The following QTRT1 variants were observed in gnomAD, a reference collection of about 807,000 sequenced individuals.
QTRT1 encodes TGT, 43-KD subunit.
A neutral mutation model predicts 44.0 loss-of-function variants in QTRT1; 41 were observed. That is an observed-to-expected ratio of 0.93 (90% confidence interval 0.73 to 1.21). QTRT1 has a LOEUF of 1.21. QTRT1 is among the 50% of genes most tolerant of loss of function. The pLI is 0.00. For missense variants in QTRT1, 542 were observed against 575.8 expected (o/e 0.94, Z 0.60); for synonymous variants, 226 against 237.1 (o/e 0.95, Z 0.43).
intron 3 of QTRT1, among the ~76,000 whole-genome samples, chr19:10,704,670 C>G (rs1300491970): frequency 6.6e-6 from 1 of 152,002 alleles, no homozygotes; most frequent in Non-Finnish European, 1.5e-5. Context: ...TCACAGCAAC[C>G]TCTGCCTCCT....
Position 10,713,314 on chromosome 19 carries a change from C to A in QTRT1, c.*44C>A. On this transcript the variant is annotated 3_prime_UTR_variant, in exon 10 of 10. Coordinates refer to ENST00000250237, the MANE Select transcript of QTRT1 (RefSeq NM_031209.3). The surrounding 1 kb of genome is among the most constrained non-coding windows in gnomAD (Gnocchi z 4.3). ...AGGGAGGAAGGAAGGGAGGGAGGGG[C>A]TGGAAGATACTGAAGGATTCCTTTT... 1 of 1,565,966 alleles carries A rather than the reference C, an allele frequency of 6.4e-7. No homozygotes were observed. The highest frequency in any genetic ancestry group is 8.7e-7 in the Non-Finnish European group (1 of 1,154,680).
At position 10,712,657 on chromosome 19, in the gene QTRT1, C is replaced by T. The variant is rs761237640; in HGVS notation, c.861+29C>T. The T allele has an allele frequency of 1.6e-5, 25 of 1,531,148 alleles. No homozygotes were observed. The highest frequency in any genetic ancestry group is 1.7e-4 in the Middle Eastern group (1 of 5,794). 94.8% of individuals were successfully genotyped at this position (1,531,148 alleles called of 1,614,324 possible). On this transcript the variant is annotated intron_variant, in intron 7 of 9. Coordinates refer to ENST00000250237, the MANE Select transcript of QTRT1 (RefSeq NM_031209.3). This position sits in a 1 kb window ranked among gnomAD's most constrained non-coding sequence, Gnocchi z 5.6. The stretch of plus-strand genomic sequence containing the variant: ...AGGCTCTGGCAGAAGGAGGTCAGGG[C>T]GGGAGACGGGTGGGGGACTAGGGAG...
rs1450282696 is a variant in QTRT1, at chr19:10,713,321, A to T, written c.*51A>T. The T allele has an allele frequency of 6.4e-7, 1 of 1,570,848 alleles. No individual in the cohort carries two copies. Among genetic ancestry groups the T allele is most frequent in the Non-Finnish European group, 8.6e-7 (1 of 1,158,046 alleles). Reference sequence around the variant, plus strand: ...AAGGAAGGGAGGGAGGGGCTGGAAGATACTGAAGGATTCCTTTTTGAAAGG... The same window carrying T: ...AAGGAAGGGAGGGAGGGGCTGGAAGTTACTGAAGGATTCCTTTTTGAAAGG... On this transcript the variant is annotated 3_prime_UTR_variant, in exon 10 of 10. Transcript: ENST00000250237. This position sits in a 1 kb window ranked among gnomAD's most constrained non-coding sequence, Gnocchi z 4.3.
At chr19:10,711,958 TAGAC>T (rs1599396692) in intron 5 of QTRT1, 199 bp from the exon 6 acceptor site, 2 of 648,706 alleles carry the variant, frequency 3.1e-6, no homozygotes, top group Non-Finnish European at 2.7e-6. Context: ...TCCCAGCCCC[TAGAC>T]AGACAGACAA....
intron 3 of QTRT1, 89 bp downstream of exon 3, chr19:10,702,343 T>C: frequency 1.4e-6 from 2 of 1,457,518 alleles, no homozygotes; most frequent in Non-Finnish European, 1.9e-6. Context: ...TTGTGTGGCT[T>C]TGAGCAGGTC....
intron 3 of QTRT1, among the ~76,000 whole-genome samples, chr19:10,704,190 C>G (rs917072462): frequency 6.6e-6 from 1 of 152,018 alleles, no homozygotes; most frequent in Non-Finnish European, 1.5e-5. Context: ...ATTATCTGGG[C>G]TGGTCTTGAA....
chr19:10,706,053 A>C (rs989684480), intron 3 of QTRT1, among the ~76,000 whole-genome samples: 3 of 148,216 alleles, frequency 2.0e-5, no homozygotes, highest in African/African-American at 7.5e-5. Context: ...ACAGGGTTTC[A>C]CTGTGTTCGC....
At position 10,712,418 on chromosome 19, in the gene QTRT1, A is replaced by T; in HGVS notation, c.785+119A>T. The T allele has an allele frequency of 6.9e-7, 1 of 1,450,780 alleles. No homozygotes were observed. Among genetic ancestry groups the T allele is most frequent in the Non-Finnish European group, 9.5e-7 (1 of 1,048,408 alleles). 89.9% of individuals were successfully genotyped at this position (1,450,780 alleles called of 1,614,324 possible). On this transcript the variant is annotated intron_variant, in intron 6 of 9. Transcript: ENST00000250237. This position sits in a 1 kb window ranked among gnomAD's most constrained non-coding sequence, Gnocchi z 5.6. ...ACGGACACAGGTCTGATCTGAGGAG[A>T]CTAGGAAGACATGGCTGTCCCTTGG...
chr19:10,708,802 G>C (rs1439527413), intron 5 of QTRT1: 1 of 113,166 alleles, frequency 8.8e-6, no homozygotes, highest in Non-Finnish European at 1.7e-5. Context: ...TTTCGCTCTT[G>C]TTGCCCAGGC....
Position 10,701,961 on chromosome 19 carries a change from G to A in QTRT1, c.255G>A (p.Leu85=), listed in dbSNP as rs1325621517. 1 of 1,614,198 alleles carries A rather than the reference G, an allele frequency of 6.2e-7. No individual in the cohort carries two copies. The highest frequency in any genetic ancestry group is 1.3e-5 in the African/African-American group (1 of 75,044). The change falls in exon 2 of 10, where the codon CTG becomes CTA. Residue 85 remains leucine, a synonymous_variant. Transcript: ENST00000250237. ...TTCCATCAACCCAGGGACCCGAGCT[G>A]ATCCAGAAAGCCAACGGTCTCCACG... ...YHLGLRPGPE[L]IQKANGLHGF...
In QTRT1 at chr19:10,701,562, G is replaced by A. The variant is rs772417709; in HGVS notation, c.102G>A (p.Trp34Ter). 3.1e-6 allele frequency: 5 copies of A among 1,605,888 alleles called. No homozygotes were observed. Among genetic ancestry groups the A allele is most frequent in the Non-Finnish European group, 4.2e-6 (5 of 1,176,652 alleles). Residue 34 changes from tryptophan to a stop codon, truncating the protein, a stop_gained, in exon 1 of 10, where the codon TGG (tryptophan) becomes TGA (stop). Coordinates refer to ENST00000250237, the MANE Select transcript of QTRT1 (RefSeq NM_031209.3). LOFTEE classifies it high-confidence loss of function. ...CCAGGGCCCGGGCAGGCGAGCTGTGGCTGCCGCATGGGACAGTGGCCACTC... is the reference window on the plus strand; with the variant it reads ...CCAGGGCCCGGGCAGGCGAGCTGTGACTGCCGCATGGGACAGTGGCCACTC... ...SRSRARAGELWLPHGTVATPV... is the reference protein window; with the variant it reads ...SRSRARAGEL
chr19:10,705,982 G>T (rs1312631399), intron 3 of QTRT1, among the ~76,000 whole-genome samples: 1 of 149,034 alleles, frequency 6.7e-6, no homozygotes, highest in Non-Finnish European at 1.5e-5. Context: ...CAGTTCCCGA[G>T]TAGCTGGGAC....
At chr19:10,704,110 G>A (rs2068701988) in intron 3 of QTRT1, among the ~76,000 whole-genome samples, 1 of 152,120 alleles carries the variant, frequency 6.6e-6, no homozygotes, top group African/African-American at 2.4e-5. Flanking sequence ...GCCTCCCAAA[G>A]TGCTGGGATT....
intron 3 of QTRT1, among the ~76,000 whole-genome samples, chr19:10,705,272 T>A (rs961808702): frequency 7.9e-5 from 12 of 151,022 alleles, no homozygotes; most frequent in Non-Finnish European, 4.4e-5. Context: ...GGAGTCTCAC[T>A]CTTTGACCAA....
rs1469224899 is a variant in QTRT1, at chr19:10,707,402, G to A, written c.530+22G>A. ...ACAGGTGTGTATATGCTGTGTGCAT[G>A]TGTGGGATATGTGGTGGGAGGGGAT... On this transcript the variant is annotated intron_variant, in intron 4 of 9. Coordinates refer to ENST00000250237, the MANE Select transcript of QTRT1 (RefSeq NM_031209.3). The A allele has an allele frequency of 8.1e-6, 13 of 1,612,488 alleles. No individual in the cohort carries two copies. The Admixed American group carries it at 2.2e-4, about 27-fold the overall frequency.
chr19:10,713,093 C>A lies in QTRT1; in HGVS notation c.1060-25C>A. 6.2e-7 allele frequency: 1 copy of A among 1,608,622 alleles called. No homozygotes were observed. Among genetic ancestry groups the A allele is most frequent in the Non-Finnish European group, 8.5e-7 (1 of 1,179,616 alleles). On this transcript the variant is annotated intron_variant, in intron 9 of 9. Coordinates refer to ENST00000250237, the MANE Select transcript of QTRT1 (RefSeq NM_031209.3). The surrounding 1 kb of genome is among the most constrained non-coding windows in gnomAD (Gnocchi z 4.3). Reference sequence around the variant, plus strand: ...CGGGGGTGTCCTAGGTGCGTATGCCCCACGCTGACCTCCCCTCCCCGCAGC... The same window carrying A: ...CGGGGGTGTCCTAGGTGCGTATGCCACACGCTGACCTCCCCTCCCCGCAGC...
intron 5 of QTRT1, 167 bp from the exon 6 acceptor site, chr19:10,711,994 T>G: frequency 1.3e-6 from 1 of 784,716 alleles, no homozygotes; most frequent in South Asian, 1.6e-5. Context: ...CTCTCCTCTG[T>G]CTCCCTCTCC....
chr19:10,712,356 C>A lies in QTRT1; in HGVS notation c.785+57C>A, dbSNP rs904151114. The stretch of plus-strand genomic sequence containing the variant: ...CCTGTGGGAAGTGGATTCCTGGGGA[C>A]CCCCTACCCTGCTTGGGGAGGTGGC... On this transcript the variant is annotated intron_variant, in intron 6 of 9. Coordinates refer to ENST00000250237, the MANE Select transcript of QTRT1 (RefSeq NM_031209.3). This position sits in a 1 kb window ranked among gnomAD's most constrained non-coding sequence, Gnocchi z 5.6. 21 of 1,568,018 alleles carry A rather than the reference C, an allele frequency of 1.3e-5. No individual in the cohort carries two copies. The highest frequency in any genetic ancestry group is 1.8e-5 in the Non-Finnish European group (21 of 1,155,708).
Position 10,712,578 on chromosome 19 carries a change from G to C in QTRT1, c.811G>C (p.Val271Leu). 1.2e-6 allele frequency: 2 copies of C among 1,613,830 alleles called. No individual in the cohort carries two copies. Among genetic ancestry groups the C allele is most frequent in the East Asian group, 2.2e-5 (1 of 44,856 alleles). ...CTATGCCACTGATCTGGTAGTCTGC[G>C]TGGCTCTTGGATGTGACATGTTCGA... ...VGYATDLVVC[V>L]ALGCDMFDCV... is the part of the protein sequence containing the mutation. The change falls in exon 7 of 10, where the codon GTG becomes CTG. Residue 271 changes from valine to leucine, a missense_variant. Val to Leu is a conservative substitution (Grantham distance 32). Coordinates refer to ENST00000250237, the MANE Select transcript of QTRT1 (RefSeq NM_031209.3). This position sits in a 1 kb window ranked among gnomAD's most constrained non-coding sequence, Gnocchi z 5.6.
Sources: gnomAD v4.1 joint callset for allele counts (sites outside exome capture counted in the v4.1 genomes callset) on GRCh38, gnomAD v4.1.1 for gene constraint, Gnocchi (gnomAD v3.1) non-coding constraint, MANE v1.5 for transcripts, NCBI Gene and HGNC (gene_info 2026-07-23, HGNC 2026-07-21) for gene names.